Variants in PDE6B observed in about 807,000 individuals in gnomAD.
PDE6B encodes the protein rod cGMP-specific 3',5'-cyclic phosphodiesterase subunit beta.
In PDE6B, 106 loss-of-function variants were observed where a neutral mutation model predicts 109.0. The ratio of observed to expected loss-of-function variants is 0.97; its 90% CI spans 0.83 to 1.14. The LOEUF (loss-of-function observed/expected upper bound fraction) is 1.14. Ranked by LOEUF, PDE6B falls within the 50% of genes most tolerant of loss-of-function variation. PDE6B has a pLI of 0.00. For synonymous variants in PDE6B, 490 were observed against 471.3 expected (o/e 1.04, Z -0.51); for missense variants, 1,193 against 1,155.6 (o/e 1.03, Z -0.47).
chr4:670,398 A>G lies in PDE6B; in HGVS notation c.*291A>G, dbSNP rs1577317604. On this transcript the variant is annotated 3_prime_UTR_variant, in exon 22 of 22. Coordinates refer to ENST00000496514, the MANE Select transcript of PDE6B (RefSeq NM_000283.4). ...GCTGGGACTACAGGCGCCCACCACC[A>G]CACATGGCTAATTTTTGTATTTTCA... 2.7e-6 allele frequency: 1 copy of G among 369,600 alleles called. No homozygotes were observed. The highest frequency in any genetic ancestry group is 6.4e-5 in the East Asian group (1 of 15,656). 22.9% of individuals were successfully genotyped at this position (369,600 alleles called of 1,614,324 possible).
rs556729160 is a variant in PDE6B at position 663,983 on chromosome 4, G to A, written c.2021+113G>A. 202 of 1,101,306 alleles carry A rather than the reference G, an allele frequency of 1.8e-4. 1 individual carries two copies. In the African/African-American group the frequency reaches 2.3e-3, roughly 13 times the overall value. 68.2% of individuals were successfully genotyped at this position (1,101,306 alleles called of 1,614,324 possible). ...CCCGGGGGACGCAGCCCCGGATTCC[G>A]TCCCTGCCCGCCGGCCCCGCGCACC... On this transcript the variant is annotated intron_variant, in intron 16 of 21. Transcript: ENST00000496514. This position sits in a 1 kb window ranked among gnomAD's most constrained non-coding sequence, Gnocchi z 4.0.
At position 649,881 on chromosome 4, in the gene PDE6B, C is replaced by T. The variant is rs527861245; in HGVS notation, c.712-3971C>T. 4.6e-5 allele frequency among the ~76,000 whole-genome samples: 7 copies of T among 152,324 alleles called. No individual in the cohort carries two copies. In the South Asian group the frequency reaches 1.0e-3, roughly 23 times the overall value. ...AGGGCCATGAGGCTGAGCAGCTCCC[C>T]TTCCAGGGCCATATGCGTCTCTGTG... On this transcript the variant is annotated intron_variant, in intron 3 of 21. Coordinates refer to ENST00000496514, the MANE Select transcript of PDE6B (RefSeq NM_000283.4).
intron 1 of PDE6B, among the ~76,000 whole-genome samples, chr4:630,662 C>T (rs115291861): frequency 1.4e-3 from 210 of 152,330 alleles, no homozygotes; most frequent in African/African-American, 4.9e-3. Flanking sequence ...GAAGGAGGAA[C>T]GAGGGGCAAC....
At chr4:644,915 A>G (rs1461698868) in intron 3 of PDE6B, among the ~76,000 whole-genome samples, 2 of 152,074 alleles carry the variant, frequency 1.3e-5, no homozygotes, top group African/African-American at 4.8e-5. Context: ...TAAGTCTCCA[A>G]CAGTAGTGGA....
rs1737251138 is a variant in PDE6B, at chr4:662,671, T to C, written c.1832+53T>C. 8.9e-7 allele frequency: 1 copy of C among 1,123,464 alleles called. No individual in the cohort carries two copies. The highest frequency in any genetic ancestry group is 1.4e-6 in the Non-Finnish European group (1 of 733,302). The allele number at this position is 1,123,464 out of a possible 1,614,324, so 69.6% of individuals were successfully genotyped here. ...TTAGCCCTAAATCAACTCCACGCCCTTGGCGTGAATTAGGCTTCGCATAGC... is the reference window on the plus strand; with the variant it reads ...TTAGCCCTAAATCAACTCCACGCCCCTGGCGTGAATTAGGCTTCGCATAGC... On this transcript the variant is annotated intron_variant, in intron 14 of 21. Transcript: ENST00000496514. This position sits in a 1 kb window ranked among gnomAD's most constrained non-coding sequence, Gnocchi z 4.3.
Position 656,962 on chromosome 4 carries a change from C to T in PDE6B, c.1196C>T (p.Ala399Val). 1 of 1,613,254 alleles carries T rather than the reference C, an allele frequency of 6.2e-7. No homozygotes were observed. The highest frequency in any genetic ancestry group is 2.2e-5 in the East Asian group (1 of 44,878). ...VNKKEEIVGV[A>V]TFYNRKDGKP... ...AAGAAGGAGGAGATTGTGGGAGTCG[C>T]CACATTTTACAACAGGAAAGACGGG... The change falls in exon 9 of 22, where the codon GCC becomes GTC. Residue 399 changes from alanine (A) to valine (V), a missense_variant. Ala to Val is a moderately conservative substitution (Grantham distance 64). Coordinates refer to ENST00000496514, the MANE Select transcript of PDE6B (RefSeq NM_000283.4).
At position 633,742 on chromosome 4, in the gene PDE6B, G is replaced by A. The variant is rs777896297; in HGVS notation, c.469-935G>A. ...CCCCAGCAGGGCTGACTCCGGAGCC[G>A]TCCACCTGGGTCACTGCCCCAGGGC... On this transcript the variant is annotated intron_variant, in intron 1 of 21. Coordinates refer to ENST00000496514, the MANE Select transcript of PDE6B (RefSeq NM_000283.4). This position sits in a 1 kb window ranked among gnomAD's most constrained non-coding sequence, Gnocchi z 4.5. 1.3e-4 allele frequency among the ~76,000 whole-genome samples: 20 copies of A among 152,184 alleles called. No homozygotes were observed. The highest frequency in any genetic ancestry group is 7.9e-4 in the Admixed American group (12 of 15,284).
In PDE6B at chr4:660,540, T is replaced by G. The variant is rs771286479; in HGVS notation, c.1541T>G (p.Leu514Arg). ...TTCTCTGACCTGGAGTGCACCGAAC[T>G]GGACCTGGTCAAATGTGGCATCCAG... is the stretch of plus-strand genomic sequence containing the variant. ...FHFSDLECTE[L>R]DLVKCGIQMY... The change falls in exon 12 of 22, where the codon CTG (leucine) becomes CGG (arginine). Residue 514 changes from leucine (L) to arginine (R), a missense_variant. Transcript: ENST00000496514. 4 of 1,613,744 alleles carry G rather than the reference T, an allele frequency of 2.5e-6. No individual in the cohort carries two copies. The highest frequency in any genetic ancestry group is 2.5e-6 in the Non-Finnish European group (3 of 1,179,814).
intron 1 of PDE6B, among the ~76,000 whole-genome samples, chr4:632,327 GC>G (rs1048295135): frequency 6.6e-6 from 1 of 151,196 alleles, no homozygotes; most frequent in Non-Finnish European, 1.5e-5. Flanking sequence ...CTTGTGTGAT[GC>G]CATCTGAGGA....
At chr4:658,052 G>A (rs1246629827) in intron 10 of PDE6B, among the ~76,000 whole-genome samples, 15 of 135,222 alleles carry the variant, frequency 1.1e-4, no homozygotes, top group East Asian at 4.6e-4. Flanking sequence ...GCTGTGTGGT[G>A]GGGGCAGGTC....
At chr4:659,981 G>A (rs974147389) in intron 11 of PDE6B, among the ~76,000 whole-genome samples, 5 of 152,122 alleles carry the variant, frequency 3.3e-5, no homozygotes, top group Non-Finnish European at 7.4e-5. Context: ...CCACTGTTGT[G>A]TGTGTTACCT....
intron 3 of PDE6B, chr4:653,265 G>A (rs1735752795): frequency 3.0e-6 from 3 of 1,014,528 alleles, no homozygotes; most frequent in Non-Finnish European, 3.5e-6. Flanking sequence ...GGTGGGGCCT[G>A]GGTCTGGGCC....
intron 3 of PDE6B, chr4:653,295 A>C (rs1735755008): frequency 1.5e-5 from 15 of 1,024,754 alleles, no homozygotes; most frequent in Non-Finnish European, 1.8e-5. Flanking sequence ...GAGGCAGAGA[A>C]AGGTGGCCCA....
chr4:645,119 G>A (rs1266203695), intron 3 of PDE6B, among the ~76,000 whole-genome samples: 2 of 151,866 alleles, frequency 1.3e-5, no homozygotes, highest in Non-Finnish European at 2.9e-5. Flanking sequence ...AGCTACCCCA[G>A]TGTCTTTGGA....
intron 20 of PDE6B, among the ~76,000 whole-genome samples, chr4:667,138 G>C (rs1017308263): frequency 6.6e-6 from 1 of 152,238 alleles, no homozygotes; most frequent in African/African-American, 2.4e-5. Context: ...CGGACATGGA[G>C]GGGGAGACTC....
intron 5 of PDE6B, 52 bp downstream of exon 5, chr4:654,206 GACTCCA>G (rs768416338): frequency 6.7e-7 from 1 of 1,490,272 alleles, no homozygotes; most frequent in Admixed American, 1.7e-5. Context: ...CTGTTTCCCT[GACTCCA>G]ACTCCAGGGC....
chr4:647,681 C>T lies in PDE6B; in HGVS notation c.712-6171C>T, dbSNP rs1735271090. Among the ~76,000 whole-genome samples, 3 of 151,998 alleles carry T rather than the reference C, an allele frequency of 2.0e-5. No homozygotes were observed. The South Asian group carries it at 6.2e-4, about 32-fold the overall frequency. ...TCCCCCAGGGCCCCACCTCCACTCA[C>T]CATCGCATCTCGGGTGAGGGCTTCA... On this transcript the variant is annotated intron_variant, in intron 3 of 21. Transcript: ENST00000496514.
intron 9 of PDE6B, 117 bp downstream of exon 9, chr4:657,140 G>C (rs990540162): frequency 5.7e-6 from 7 of 1,236,604 alleles, no homozygotes; most frequent in East Asian, 2.3e-5. Context: ...ATGTGTGTGC[G>C]GTATGCATGC....
chr4:631,070 G>A (rs902571823), intron 1 of PDE6B, among the ~76,000 whole-genome samples: 6 of 152,214 alleles, frequency 3.9e-5, no homozygotes, highest in African/African-American at 7.2e-5. Context: ...GACGGCAGAC[G>A]AACGGGCTGA....
Sources: gnomAD v4.1 joint callset for allele counts (sites outside exome capture counted in the v4.1 genomes callset) on GRCh38, gnomAD v4.1.1 for gene constraint, Gnocchi (gnomAD v3.1) non-coding constraint, MANE v1.5 for transcripts, NCBI Gene and HGNC (gene_info 2026-07-23, HGNC 2026-07-21) for gene names.